EFTUD2: variants seen among roughly 807,000 people sequenced by gnomAD.
EFTUD2 encodes the protein elongation factor Tu GTP binding domain containing 2, also known as 116 kDa U5 small nuclear ribonucleoprotein component.
A neutral mutation model predicts 114.3 loss-of-function variants in EFTUD2; 9 were observed. That is an observed-to-expected ratio of 0.08 (90% confidence interval 0.05 to 0.14). The LOEUF (loss-of-function observed/expected upper bound fraction) is 0.14, where lower values mean the gene tolerates loss of function less well. Ranked by LOEUF, EFTUD2 falls within the 10% of genes least tolerant of loss-of-function variation. The pLI, the probability that EFTUD2 is intolerant of heterozygous loss-of-function variation, is 1.00. For missense variants in EFTUD2, 765 were observed against 1,241.2 expected, an observed-to-expected ratio of 0.62 and a Z score of 5.76; for synonymous variants, 449 against 462.3, an observed-to-expected ratio of 0.97 and a Z score of 0.37.
rs557631650 is a variant in EFTUD2, at chr17:44,885,341, GAA to G, written c.272-9_272-8del. The G allele has an allele frequency of 7.5e-6, 11 of 1,457,856 alleles. No homozygotes were observed. The highest frequency in any genetic ancestry group is 5.1e-5 in the South Asian group (4 of 78,924). The allele number at this position is 1,457,856 out of a possible 1,614,324, so 90.3% of individuals were successfully genotyped here. On this transcript the variant is annotated splice_region_variant and splice_polypyrimidine_tract_variant and intron_variant, in intron 3 of 27. Coordinates refer to ENST00000426333, the MANE Select transcript of EFTUD2 (RefSeq NM_004247.4). ...ACTGGCTTAATAATGGGTTCTAGAA[GAA>G]AAAAAAAAGGTAGTGATGTGTAGGT...
rs544860445 is a variant in EFTUD2, at chr17:44,872,753, T to C, written c.870-183A>G. On this transcript the variant is annotated intron_variant, in intron 10 of 27. Transcript: ENST00000426333. ...TGACATGATGGAGCTGTTCCCCTAA[T>C]TCCCAATAACAAGTTGATTTCCCAG... The C allele has an allele frequency of 5.6e-6, 3 of 531,860 alleles. No individual in the cohort carries two copies. The East Asian group carries it at 1.6e-4, about 28-fold the overall frequency. The allele number at this position is 531,860 out of a possible 1,614,324, so 32.9% of individuals were successfully genotyped here. A position where few individuals can be genotyped will look rare whatever the true frequency, so the allele number is the denominator to read the frequency against.
At chr17:44,860,380 C>T (rs1410381483) in intron 17 of EFTUD2, 52 bp downstream of exon 17, 3 of 1,266,006 alleles carry the variant, frequency 2.4e-6, no homozygotes, top group Non-Finnish European at 2.3e-6. Flanking sequence ...CATGTGTGTC[C>T]CTGGGACCAT....
chr17:44,852,681 G>A, intron 25 of EFTUD2, 119 bp from the exon 26 acceptor site: 1 of 1,252,212 alleles, frequency 8.0e-7, no homozygotes, highest in Non-Finnish European at 1.1e-6. Flanking sequence ...CAAAGAAAGA[G>A]TAACCAAGAA....
Position 44,862,827 on chromosome 17 carries a change from C to T in EFTUD2, c.1493G>A (p.Ser498Asn). The T allele has an allele frequency of 6.2e-7, 1 of 1,614,194 alleles. No individual in the cohort carries two copies. The highest frequency in any genetic ancestry group is 2.2e-5 in the East Asian group (1 of 44,890). The change falls in exon 16 of 28, where the codon AGT becomes AAT. Residue 498 changes from serine to asparagine, a missense_variant. Ser to Asn is a conservative substitution (Grantham distance 46). Coordinates refer to ENST00000426333, the MANE Select transcript of EFTUD2 (RefSeq NM_004247.4). ...VQFHAFGRVL[S>N]GTIHAGQPVK... ...AGGCTGCCCAGCATGAATGGTGCCA[C>T]TCAGCACCCGGCCAAAGGCGTGAAA...
chr17:44,896,075 T>G (rs2051378546), intron 1 of EFTUD2: 1 of 152,230 alleles, frequency 6.6e-6, no homozygotes, highest in Non-Finnish European at 1.5e-5. Flanking sequence ...TCGTATCAGG[T>G]GATACATGAT....
At chr17:44,865,945 G>A (rs954817695) in intron 13 of EFTUD2, among the ~76,000 whole-genome samples, 1 of 151,924 alleles carries the variant, frequency 6.6e-6, no homozygotes, top group Non-Finnish European at 1.5e-5. Flanking sequence ...CCAAGTAGTT[G>A]GGACCACAGG....
chr17:44,863,531 T>C (rs2050693883), intron 15 of EFTUD2, 124 bp downstream of exon 15: 1 of 1,390,280 alleles, frequency 7.2e-7, no homozygotes, highest in Non-Finnish European at 9.8e-7. Context: ...CAGGCCTGAC[T>C]GTGCTCATGG....
Position 44,851,357 on chromosome 17 carries a change from C to T in EFTUD2, c.2836G>A (p.Asp946Asn). The part of the protein sequence containing the change: ...KTRRRKGLSE[D>N]VSISKFFDDP... ...TCGAAGAATTTGCTGATGCTCACATCTTCACTGAGGCCCTGCAGGGAATGG... is the reference window on the plus strand; with the variant it reads ...TCGAAGAATTTGCTGATGCTCACATTTTCACTGAGGCCCTGCAGGGAATGG... The change falls in exon 28 of 28, where the codon GAT becomes AAT. Residue 946 changes from aspartate (D) to asparagine (N), a missense_variant. Transcript: ENST00000426333. 6.2e-7 allele frequency: 1 copy of T among 1,613,882 alleles called. No homozygotes were observed. The highest frequency in any genetic ancestry group is 8.5e-7 in the Non-Finnish European group (1 of 1,179,940).
chr17:44,882,238 T>G (rs2051085272), intron 6 of EFTUD2, among the ~76,000 whole-genome samples: 2 of 148,414 alleles, frequency 1.3e-5, no homozygotes, highest in South Asian at 4.3e-4. Context: ...ATGGCTGGGT[T>G]TTTCTTTTTG....
At chr17:44,873,732 CTTTT>C (rs1307223826) in intron 10 of EFTUD2, among the ~76,000 whole-genome samples, 4 of 133,268 alleles carry the variant, frequency 3.0e-5, no homozygotes, top group East Asian at 2.2e-4. Flanking sequence ...CCACTTCCTA[CTTTT>C]TTTTTTTTTT....
chr17:44,883,461 C>T, intron 5 of EFTUD2, 188 bp downstream of exon 5: 2 of 633,514 alleles, frequency 3.2e-6, no homozygotes, highest in South Asian at 3.9e-5. Context: ...GGCTTAGGAA[C>T]AGGCTCCACC....
At chr17:44,863,858 A>C (rs2050700139) in intron 14 of EFTUD2, 76 bp from the exon 15 acceptor site, 2 of 1,570,234 alleles carry the variant, frequency 1.3e-6, no homozygotes, top group African/African-American at 1.4e-5. Context: ...AGCCATTCAC[A>C]ATGGTCAAAA....
At chr17:44,896,504 A>G (rs1042654129) in intron 1 of EFTUD2, among the ~76,000 whole-genome samples, 1 of 152,104 alleles carries the variant, frequency 6.6e-6, no homozygotes, top group Non-Finnish European at 1.5e-5. Context: ...AAAATTAGCC[A>G]GGTGTGGTGG....
At position 44,862,743 on chromosome 17, in the gene EFTUD2, G is replaced by C; in HGVS notation, c.1577C>G (p.Thr526Ser). ...LEDEEDSQICTVGRLWISVAR... is the reference protein window; with the variant it reads ...LEDEEDSQICSVGRLWISVAR... ...CACAGAGATCCAAAGGCGGCCCACGGTGCATATCTGGGAGTCTTCCTCATC... is the reference window on the plus strand; with the variant it reads ...CACAGAGATCCAAAGGCGGCCCACGCTGCATATCTGGGAGTCTTCCTCATC... The change falls in exon 16 of 28, where the codon ACC becomes AGC. Residue 526 changes from threonine (T) to serine (S), a missense_variant. Coordinates refer to ENST00000426333, the MANE Select transcript of EFTUD2 (RefSeq NM_004247.4). 6.2e-7 allele frequency: 1 copy of C among 1,614,110 alleles called. No individual in the cohort carries two copies. Among genetic ancestry groups the C allele is most frequent in the South Asian group, 1.1e-5 (1 of 91,076 alleles).
In EFTUD2 at chr17:44,893,987, T is replaced by C. The variant is rs566158669; in HGVS notation, c.105+430A>G. 3.0e-5 allele frequency: 5 copies of C among 166,100 alleles called. No homozygotes were observed. The East Asian group carries it at 5.1e-4, about 17-fold the overall frequency. 10.3% of individuals were successfully genotyped at this position (166,100 alleles called of 1,614,324 possible). A position where few individuals can be genotyped will look rare whatever the true frequency, so the allele number is the denominator to read the frequency against. ...AGGAGGCTGAGGCATTGAGAATTGC[T>C]TGGACCTGGGAGGCAGAGGCTGCAG... On this transcript the variant is annotated intron_variant, in intron 2 of 27. Transcript: ENST00000426333.
In EFTUD2 at chr17:44,850,170, G is replaced by A; in HGVS notation, c.*1104C>T. The A allele has an allele frequency of 1.7e-6, 1 of 586,046 alleles. No homozygotes were observed. Among genetic ancestry groups the A allele is most frequent in the African/African-American group, 1.8e-5 (1 of 54,076 alleles). 36.3% of individuals were successfully genotyped at this position (586,046 alleles called of 1,614,324 possible). ...GATAAGTGGTTTCCCCAGGTTGTGT[G>A]GTCAGATGCTTGAAGCAGCTGTTGG... On this transcript the variant is annotated 3_prime_UTR_variant, in exon 28 of 28. Coordinates refer to ENST00000426333, the MANE Select transcript of EFTUD2 (RefSeq NM_004247.4).
In EFTUD2 at chr17:44,872,568, A is replaced by G. The variant is rs778831079; in HGVS notation, c.872T>C (p.Met291Thr). The G allele has an allele frequency of 1.2e-6, 2 of 1,607,626 alleles. No individual in the cohort carries two copies. Among genetic ancestry groups the G allele is most frequent in the Admixed American group, 3.4e-5 (2 of 59,654 alleles). Reference protein sequence around the residue: ...IVDEVNGLISMYSTDENLILS... With the variant: ...IVDEVNGLISTYSTDENLILS... ...GATCAGGTTCTCATCAGTGGAATAC[A>G]TGCTGAAACAGAGACAGTGGTGAAC... The change falls in exon 11 of 28, where the codon ATG becomes ACG. Residue 291 changes from methionine (M) to threonine (T), a missense_variant and splice_region_variant. Around this residue, in one of 6 missense-constraint regions of EFTUD2, gnomAD observed 251 missense variants for 357.7 expected, o/e 0.70. Coordinates refer to ENST00000426333, the MANE Select transcript of EFTUD2 (RefSeq NM_004247.4).
Position 44,886,651 on chromosome 17 carries a change from C to A in EFTUD2, c.205G>T (p.Ala69Ser), listed in dbSNP as rs2051178523. The change falls in exon 3 of 28, where the codon GCC (alanine) becomes TCC (serine). Residue 69 changes from alanine to serine, a missense_variant. Physicochemically the swap from Ala to Ser is moderately conservative, Grantham distance 99. Transcript: ENST00000426333. ...LHEDKKYYPT[A>S]EEVYGPEVET... is the part of the protein sequence containing the mutation. Reference sequence around the variant, plus strand: ...ACCTCAGGACCATACACCTCCTCGGCTGTTGGGTAGTACTTCTTGTCCTCA... The same window carrying A: ...ACCTCAGGACCATACACCTCCTCGGATGTTGGGTAGTACTTCTTGTCCTCA... The A allele has an allele frequency of 5.0e-6, 8 of 1,614,184 alleles. No homozygotes were observed. The Middle Eastern group carries it at 9.9e-4, about 200-fold the overall frequency.
chr17:44,863,329 G>A (rs2050690623), intron 15 of EFTUD2: 2 of 260,822 alleles, frequency 7.7e-6, no homozygotes, highest in Non-Finnish European at 1.5e-5. Flanking sequence ...GCTACCATTT[G>A]TTGAATCTTT....
Sources: allele counts gnomAD v4.1 joint callset (sites outside exome capture counted in the v4.1 genomes callset), GRCh38; gene constraint gnomAD v4.1.1; regional missense constraint gnomAD v4.1.1; transcripts MANE v1.5; gene names NCBI Gene and HGNC (gene_info 2026-07-23, HGNC 2026-07-21).